SOX5: variants seen among roughly 807,000 people sequenced by gnomAD.
SOX5 encodes the protein SRY-box transcription factor 5, also known as transcription factor SOX-5.
Under a neutral mutation model 92.0 loss-of-function variants are expected in SOX5, and 9 were observed. That is an observed-to-expected ratio of 0.10 (90% CI 0.06 to 0.17). The LOEUF (loss-of-function observed/expected upper bound fraction) is 0.17, where lower values mean the gene tolerates loss of function less well. SOX5 is among the 10% of genes least tolerant of loss of function. The pLI, the probability that SOX5 is intolerant of heterozygous loss-of-function variation, is 1.00. For synonymous variants in SOX5, 344 were observed against 336.3 expected (o/e 1.02, Z -0.25); for missense variants, 642 against 944.5 (o/e 0.68, Z 4.20).
chr12:24,275,884 A>G (rs10842309), intron 3 of SOX5, among the ~76,000 whole-genome samples: 35,426 of 151,932 alleles, frequency 0.23, 4,471 homozygotes, highest in African/African-American at 0.32. Context: ...TTATTATTCC[A>G]AATTACTCTC....
intron 1 of SOX5, chr12:23,920,640 C>T (rs533579509): frequency 2.6e-5 from 4 of 152,108 alleles, no homozygotes; most frequent in Admixed American, 1.3e-4. Flanking sequence ...AATACCATTG[C>T]TTTTATCCAT....
At chr12:23,906,543 G>T (rs1157280563) in intron 1 of SOX5, among the ~76,000 whole-genome samples, 1 of 152,160 alleles carries the variant, frequency 6.6e-6, no homozygotes, top group Admixed American at 6.5e-5. Context: ...CTCTGAGTCA[G>T]CGTGAAAGTG....
chr12:24,352,222 T>C (rs536002983), intron 2 of SOX5, among the ~76,000 whole-genome samples: 21 of 152,364 alleles, frequency 1.4e-4, no homozygotes, highest in African/African-American at 4.1e-4. Context: ...CTAACTATGC[T>C]ACTGACTAGC....
chr12:24,037,885 C>A (rs979154465), intron 4 of SOX5, among the ~76,000 whole-genome samples: 3 of 152,030 alleles, frequency 2.0e-5, no homozygotes, highest in African/African-American at 7.2e-5. Flanking sequence ...TATTACCGGG[C>A]CAGTTGCAAT....
At chr12:24,434,227 G>C (rs1938965804) in intron 1 of SOX5, among the ~76,000 whole-genome samples, 1 of 152,080 alleles carries the variant, frequency 6.6e-6, no homozygotes, top group African/African-American at 2.4e-5. Flanking sequence ...GGGAGGGGAA[G>C]GAAAGAGAGA....
At chr12:24,476,995 CA>C (rs11385447) in intron 1 of SOX5, among the ~76,000 whole-genome samples, 3,781 of 53,702 alleles carry the variant, frequency 0.07, 31 homozygotes, top group East Asian at 0.11. Flanking sequence ...AGACCCCTCT[CA>C]AAAAAAAAAA....
At chr12:23,667,483 A>C (rs2084004588) in intron 6 of SOX5, among the ~76,000 whole-genome samples, 1 of 152,172 alleles carries the variant, frequency 6.6e-6, no homozygotes, top group Admixed American at 6.6e-5. Flanking sequence ...TAAATTTTTC[A>C]AGATCCACTT....
chr12:23,624,520 T>C (rs1018349005), intron 8 of SOX5, among the ~76,000 whole-genome samples: 3 of 152,110 alleles, frequency 2.0e-5, no homozygotes, highest in South Asian at 2.1e-4. Context: ...CTAGAGCAAA[T>C]GCTGGATTGA....
At chr12:24,146,136 G>A (rs1486127448) in intron 4 of SOX5, among the ~76,000 whole-genome samples, 1 of 152,074 alleles carries the variant, frequency 6.6e-6, no homozygotes, top group Non-Finnish European at 1.5e-5. Context: ...TGACCATTTT[G>A]AACTAACTGG....
At chr12:24,023,856 G>A (rs1954587096) in intron 4 of SOX5, among the ~76,000 whole-genome samples, 1 of 151,976 alleles carries the variant, frequency 6.6e-6, no homozygotes, top group Non-Finnish European at 1.5e-5. Flanking sequence ...ATATAGCAGT[G>A]AGTAAAATAA....
intron 3 of SOX5, among the ~76,000 whole-genome samples, chr12:24,213,885 G>C (rs1282342556): frequency 1.3e-5 from 2 of 152,022 alleles, no homozygotes; most frequent in Admixed American, 1.3e-4. Context: ...ATAGCCTGAA[G>C]TGATCCTAAG....
intron 3 of SOX5, among the ~76,000 whole-genome samples, chr12:23,832,369 G>T (rs2096341497): frequency 6.6e-6 from 1 of 151,886 alleles, no homozygotes; most frequent in Non-Finnish European, 1.5e-5. Flanking sequence ...GTTCATTATT[G>T]TTCTTGTTCT....
At chr12:24,221,744 C>A (rs1960492785) in intron 3 of SOX5, among the ~76,000 whole-genome samples, 1 of 152,136 alleles carries the variant, frequency 6.6e-6, no homozygotes, top group South Asian at 2.1e-4. Flanking sequence ...GCAACAAGTG[C>A]TTTGGAGACA....
At chr12:23,744,177 T>C (rs981806305) in intron 4 of SOX5, among the ~76,000 whole-genome samples, 4 of 152,174 alleles carry the variant, frequency 2.6e-5, no homozygotes, top group African/African-American at 4.8e-5. Context: ...CACCCATGAA[T>C]GCCCATATTC....
chr12:24,495,945 T>C (rs1044128176), intron 1 of SOX5, among the ~76,000 whole-genome samples: 9 of 152,308 alleles, frequency 5.9e-5, no homozygotes, highest in African/African-American at 1.9e-4. Flanking sequence ...TCACTCCAGA[T>C]TTCTAAACTA....
At chr12:23,559,091 ACTGT>A (rs894053754) in intron 11 of SOX5, among the ~76,000 whole-genome samples, 1 of 152,150 alleles carries the variant, frequency 6.6e-6, no homozygotes, top group African/African-American at 2.4e-5. Flanking sequence ...TTGTATTAAG[ACTGT>A]CTGGTGGGAT....
intron 4 of SOX5, among the ~76,000 whole-genome samples, chr12:24,090,957 T>C (rs745766745): frequency 3.0e-4 from 46 of 152,200 alleles, no homozygotes; most frequent in Non-Finnish European, 4.4e-4. Context: ...CGACACCTTA[T>C]GGAAAAACTT....
intron 6 of SOX5, among the ~76,000 whole-genome samples, chr12:23,672,839 T>A (rs2085015330): frequency 6.6e-6 from 1 of 152,168 alleles, no homozygotes; most frequent in African/African-American, 2.4e-5. Flanking sequence ...ACAATAAAAT[T>A]TCATTCTTAA....
chr12:23,844,906 C>T (rs1402260972), intron 3 of SOX5, among the ~76,000 whole-genome samples: 1 of 152,102 alleles, frequency 6.6e-6, no homozygotes, highest in Non-Finnish European at 1.5e-5. Flanking sequence ...ACAAAATATC[C>T]AAAATCTTTG....
Sources: allele counts gnomAD v4.1 joint callset (sites outside exome capture counted in the v4.1 genomes callset), GRCh38; gene constraint gnomAD v4.1.1; transcripts MANE v1.5; gene names NCBI Gene and HGNC (gene_info 2026-07-23, HGNC 2026-07-21).